MYO10: variants seen among roughly 807,000 people sequenced by gnomAD.
The protein encoded by MYO10 is unconventional myosin-X.
MYO10 carries 133 observed loss-of-function variants against 257.3 expected under a neutral mutation model. The ratio of observed to expected loss-of-function variants is 0.52; its 90% CI spans 0.45 to 0.60. The LOEUF is 0.60. Ranked by LOEUF, MYO10 falls within the 20% of genes least tolerant of loss-of-function variation. MYO10 has a pLI of 0.00. For synonymous variants in MYO10, 1,104 were observed against 1,028.6 expected, an observed-to-expected ratio of 1.07 and a Z score of -1.40; for missense variants, 2,399 against 2,635.7, an observed-to-expected ratio of 0.91 and a Z score of 1.97.
intron 3 of MYO10, among the ~76,000 whole-genome samples, chr5:16,799,330 A>T (rs1344277458): frequency 6.6e-6 from 1 of 151,940 alleles, no homozygotes; most frequent in Non-Finnish European, 1.5e-5. Context: ...CTCATGCTTG[A>T]CTTTTTACAG....
At chr5:16,709,275 A>C (rs1738485956) in intron 21 of MYO10, among the ~76,000 whole-genome samples, 1 of 152,198 alleles carries the variant, frequency 6.6e-6, no homozygotes, top group Non-Finnish European at 1.5e-5. Context: ...GTAAGATTCC[A>C]GGCAGAGAGA....
At position 16,749,200 on chromosome 5, in the gene MYO10, C is replaced by G. The variant is rs951845733; in HGVS notation, c.1929+5628G>C. Among the ~76,000 whole-genome samples, 7 of 152,252 alleles carry G rather than the reference C, an allele frequency of 4.6e-5. 1 individual carries two copies. The highest frequency in any genetic ancestry group is 1.7e-4 in the African/African-American group (7 of 41,566). On this transcript the variant is annotated intron_variant, in intron 19 of 40. Coordinates refer to ENST00000513610, the MANE Select transcript of MYO10 (RefSeq NM_012334.3). Reference sequence around the variant, plus strand: ...ACAGGCATCTTTCCCTTCTTCCCTTCCGTAAACCTTACTCCATGCTGCACG... The same window carrying G: ...ACAGGCATCTTTCCCTTCTTCCCTTGCGTAAACCTTACTCCATGCTGCACG...
chr5:16,907,665 C>T (rs181781751), intron 1 of MYO10, among the ~76,000 whole-genome samples: 15 of 152,266 alleles, frequency 9.9e-5, no homozygotes, highest in Admixed American at 7.9e-4. Context: ...CTTTAAGAAA[C>T]TACCCACAGA....
In MYO10 at chr5:16,890,419, C is replaced by T. The variant is rs116852566; in HGVS notation, c.22-12712G>A. ...AGAGACGTGAAAACATATGTCCACA[C>T]GAAAACTTGTACACAAATGTTCATA... is the stretch of plus-strand genomic sequence containing the variant. On this transcript the variant is annotated intron_variant, in intron 1 of 40. Transcript: ENST00000513610. Among the ~76,000 whole-genome samples the T allele has an allele frequency of 3.2e-4, 49 of 151,796 alleles. 1 individual carries two copies. The East Asian group carries it at 9.4e-3, about 29-fold the overall frequency.
intron 21 of MYO10, 30 bp downstream of exon 21, chr5:16,710,878 G>C (rs767546976): frequency 2.5e-6 from 4 of 1,570,936 alleles, no homozygotes; most frequent in East Asian, 2.3e-5. Flanking sequence ...TCAGGGATTC[G>C]GTGGGAGTTG....
chr5:16,745,221 T>C (rs550640213), intron 19 of MYO10, among the ~76,000 whole-genome samples: 4 of 152,106 alleles, frequency 2.6e-5, no homozygotes, highest in Non-Finnish European at 4.4e-5. Flanking sequence ...GTATCTGTAA[T>C]CCCAGCTACT....
chr5:16,804,777 T>TG (rs1288098629), intron 3 of MYO10, among the ~76,000 whole-genome samples: 3 of 151,790 alleles, frequency 2.0e-5, no homozygotes, highest in African/African-American at 7.3e-5. Flanking sequence ...TAGCTGGGTG[T>TG]GGTAGTGCAT....
chr5:16,695,850 T>C (rs902672227), intron 26 of MYO10, among the ~76,000 whole-genome samples: 16 of 152,232 alleles, frequency 1.1e-4, no homozygotes, highest in African/African-American at 3.9e-4. Flanking sequence ...CTGAACTTTC[T>C]AGACTCCTCT....
At chr5:16,765,679 G>T (rs746933309) in intron 11 of MYO10, among the ~76,000 whole-genome samples, 1 of 152,122 alleles carries the variant, frequency 6.6e-6, no homozygotes, top group Non-Finnish European at 1.5e-5. Context: ...GACATTAAAT[G>T]CTCAGCATAT....
intron 19 of MYO10, among the ~76,000 whole-genome samples, chr5:16,738,993 T>G (rs1739915083): frequency 6.6e-6 from 1 of 151,932 alleles, no homozygotes; most frequent in South Asian, 2.1e-4. Context: ...TGGCAGTTTC[T>G]TCAAATAGTC....
chr5:16,846,216 AT>A (rs1175720498), intron 2 of MYO10, among the ~76,000 whole-genome samples: 10 of 152,198 alleles, frequency 6.6e-5, no homozygotes, highest in Non-Finnish European at 8.8e-5. Context: ...AAGACAAGCT[AT>A]TGGCAGACTA....
chr5:16,913,031 G>C (rs1172903314), intron 1 of MYO10, among the ~76,000 whole-genome samples: 1 of 148,346 alleles, frequency 6.7e-6, no homozygotes, highest in South Asian at 2.1e-4. Context: ...TTTGGTTTTA[G>C]TAAAGTTCAC....
chr5:16,749,202 G>A (rs187267431), intron 19 of MYO10, among the ~76,000 whole-genome samples: 206 of 151,976 alleles, frequency 1.4e-3, no homozygotes, highest in African/African-American at 4.6e-3. Context: ...CTTCCCTTCC[G>A]TAAACCTTAC....
intron 1 of MYO10, among the ~76,000 whole-genome samples, chr5:16,931,391 G>A (rs1044248047): frequency 1.3e-5 from 2 of 152,160 alleles, no homozygotes; most frequent in Non-Finnish European, 2.9e-5. Context: ...AAAGCCAGCT[G>A]AACTGGAAAA....
intron 33 of MYO10, among the ~76,000 whole-genome samples, chr5:16,679,000 C>T (rs986324367): frequency 1.2e-4 from 19 of 152,226 alleles, no homozygotes; most frequent in Non-Finnish European, 2.6e-4. Context: ...TAAGAATCCC[C>T]GCTCAGGGCT....
intron 21 of MYO10, among the ~76,000 whole-genome samples, chr5:16,708,909 C>T (rs1336624476): frequency 3.9e-5 from 6 of 152,190 alleles, no homozygotes; most frequent in Non-Finnish European, 7.3e-5. Flanking sequence ...TTGTATTGCA[C>T]TGCCAAGAGC....
At chr5:16,808,685 T>G (rs892019830) in intron 3 of MYO10, among the ~76,000 whole-genome samples, 1 of 152,100 alleles carries the variant, frequency 6.6e-6, no homozygotes, top group Non-Finnish European at 1.5e-5. Context: ...TTATTATTAT[T>G]ATTTTTGAGA....
At chr5:16,819,136 C>T (rs1049875019) in intron 2 of MYO10, among the ~76,000 whole-genome samples, 2 of 152,082 alleles carry the variant, frequency 1.3e-5, no homozygotes, top group African/African-American at 4.8e-5. Flanking sequence ...TCCCTTTCAA[C>T]CAGGATATAT....
chr5:16,673,910 G>A (rs1736596906), intron 35 of MYO10, 21 bp from the exon 36 acceptor site: 1 of 1,609,716 alleles, frequency 6.2e-7, no homozygotes. Flanking sequence ...AACACTAACT[G>A]TTAATTTTTA....
Sources: allele counts gnomAD v4.1 joint callset (sites outside exome capture counted in the v4.1 genomes callset), GRCh38; gene constraint gnomAD v4.1.1; transcripts MANE v1.5; gene names NCBI Gene and HGNC (gene_info 2026-07-23, HGNC 2026-07-21).